Variants in NRF1 observed in about 807,000 individuals in gnomAD.
NRF1 encodes nuclear respiratory factor 1, also known as alpha palindromic-binding protein.
Under a neutral mutation model 58.5 loss-of-function variants are expected in NRF1, and 5 were observed. The observed-to-expected ratio is 0.09, with a 90% CI of 0.04 to 0.18. The LOEUF is 0.18. Ranked by LOEUF, NRF1 falls within the 10% of genes least tolerant of loss-of-function variation. The probability of loss-of-function intolerance (pLI) is 1.00; values close to 1 mark genes in which losing one functional copy is unlikely to be tolerated. For synonymous variants in NRF1, 224 were observed against 246.7 expected (o/e 0.91, Z 0.86); for missense variants, 288 against 657.7 (o/e 0.44, Z 6.15).
chr7:129,615,615 A>T (rs1584573275), intron 1 of NRF1, among the ~76,000 whole-genome samples: 1 of 152,248 alleles, frequency 6.6e-6, no homozygotes, highest in Non-Finnish European at 1.5e-5. Context: ...ATAATTTTCC[A>T]TGAATGCTTA....
At chr7:129,647,685 C>T (rs1801441090) in intron 1 of NRF1, among the ~76,000 whole-genome samples, 1 of 152,210 alleles carries the variant, frequency 6.6e-6, no homozygotes, top group African/African-American at 2.4e-5. Context: ...TGAGCCACCA[C>T]GCCCAGCCCA....
chr7:129,703,901 A>G (rs1177253154), intron 5 of NRF1, among the ~76,000 whole-genome samples: 2 of 152,170 alleles, frequency 1.3e-5, no homozygotes, highest in East Asian at 1.9e-4. Flanking sequence ...CTCTAGGATC[A>G]TCTTCCTAGG....
chr7:129,673,665 G>T lies in NRF1; in HGVS notation c.338+2122G>T, dbSNP rs540581188. Among the ~76,000 whole-genome samples, 12 of 144,580 alleles carry T rather than the reference G, an allele frequency of 8.3e-5. No homozygotes were observed. The East Asian group carries it at 8.4e-4, about 10-fold the overall frequency. 94.9% of individuals were successfully genotyped at this position (144,580 alleles called of 152,430 possible). A position where few individuals can be genotyped will look rare whatever the true frequency, so the allele number is the denominator to read the frequency against. On this transcript the variant is annotated intron_variant, in intron 3 of 10. Coordinates refer to ENST00000393232, the MANE Select transcript of NRF1 (RefSeq NM_005011.5). ...CCGGGAGGCGGAGCTTGCAGTGAGC[G>T]GAGATCGCGCCACAGCACTCCCGCC...
intron 2 of NRF1, among the ~76,000 whole-genome samples, chr7:129,670,838 A>G (rs1802032032): frequency 6.6e-6 from 1 of 152,216 alleles, no homozygotes; most frequent in South Asian, 2.1e-4. Context: ...GCCTTCATCA[A>G]CTTGACCTTG....
At chr7:129,714,982 A>G (rs184721633) in intron 8 of NRF1, among the ~76,000 whole-genome samples, 1 of 152,272 alleles carries the variant, frequency 6.6e-6, no homozygotes, top group African/African-American at 2.4e-5. Context: ...CCAAAGACAG[A>G]TACACCTGAG....
At chr7:129,721,178 A>G (rs1456160325) in intron 9 of NRF1, among the ~76,000 whole-genome samples, 2 of 152,126 alleles carry the variant, frequency 1.3e-5, no homozygotes, top group Non-Finnish European at 2.9e-5. Context: ...CCTCTTAAAC[A>G]TGTCCTTCTA....
At chr7:129,619,391 T>C in intron 1 of NRF1, among the ~76,000 whole-genome samples, 1 of 75,464 alleles carries the variant, frequency 1.3e-5, no homozygotes, top group Non-Finnish European at 2.4e-5. Context: ...GGACTTGGCA[T>C]ACGTGTATAT....
intron 10 of NRF1, among the ~76,000 whole-genome samples, chr7:129,749,826 T>G (rs962889323): frequency 2.7e-5 from 4 of 150,268 alleles, no homozygotes; most frequent in South Asian, 2.1e-4. Flanking sequence ...GTGTTGAGGT[T>G]TTTTTTTTTA....
chr7:129,674,705 G>T (rs1802136439), intron 3 of NRF1, among the ~76,000 whole-genome samples: 1 of 152,168 alleles, frequency 6.6e-6, no homozygotes, highest in Non-Finnish European at 1.5e-5. Flanking sequence ...AAAGTGCTGG[G>T]ATTACAGGTG....
At chr7:129,638,771 C>T (rs182230319) in intron 1 of NRF1, among the ~76,000 whole-genome samples, 3 of 152,124 alleles carry the variant, frequency 2.0e-5, no homozygotes, top group Non-Finnish European at 4.4e-5. Context: ...TAGCATTTCT[C>T]CCCTCCTTCT....
chr7:129,698,974 A>G (rs1802758460), intron 5 of NRF1, among the ~76,000 whole-genome samples: 1 of 152,176 alleles, frequency 6.6e-6, no homozygotes. Context: ...GCAAAGATAT[A>G]ATTATAGAAG....
intron 10 of NRF1, among the ~76,000 whole-genome samples, chr7:129,730,201 T>C (rs1025456748): frequency 2.6e-5 from 4 of 152,246 alleles, no homozygotes; most frequent in Admixed American, 2.6e-4. Flanking sequence ...TTTTTTCTTT[T>C]TTTAATAGAA....
intron 1 of NRF1, chr7:129,633,598 G>A (rs1016319424): frequency 6.6e-6 from 1 of 152,164 alleles, no homozygotes; most frequent in African/African-American, 2.4e-5. Flanking sequence ...ACTTTTTAAA[G>A]TGAAGAAGCA....
chr7:129,641,553 A>G (rs911917414), intron 1 of NRF1, among the ~76,000 whole-genome samples: 1 of 152,184 alleles, frequency 6.6e-6, no homozygotes, highest in Non-Finnish European at 1.5e-5. Flanking sequence ...TTTTTATTGC[A>G]TTCGCTTTCT....
At chr7:129,647,249 G>A (rs894458063) in intron 1 of NRF1, among the ~76,000 whole-genome samples, 6 of 151,988 alleles carry the variant, frequency 3.9e-5, no homozygotes, top group African/African-American at 7.2e-5. Context: ...ATGTTGGCCC[G>A]GCTGACTCCA....
At chr7:129,720,022 G>T (rs1483659968) in intron 9 of NRF1, among the ~76,000 whole-genome samples, 1 of 152,192 alleles carries the variant, frequency 6.6e-6, no homozygotes, top group Non-Finnish European at 1.5e-5. Flanking sequence ...AGGCAAGCGG[G>T]TAATGGTATC....
At chr7:129,617,733 G>A (rs10275661) in intron 1 of NRF1, among the ~76,000 whole-genome samples, 23,253 of 152,050 alleles carry the variant, frequency 0.15, 1,918 homozygotes, top group African/African-American at 0.23. Flanking sequence ...ATTCCTTCTA[G>A]GGAGAGGAGA....
At chr7:129,661,599 T>G (rs1428277802) in intron 2 of NRF1, among the ~76,000 whole-genome samples, 1 of 150,944 alleles carries the variant, frequency 6.6e-6, no homozygotes, top group Non-Finnish European at 1.5e-5. Context: ...AAGAGTCACC[T>G]TTGCTCCAGT....
chr7:129,624,302 T>A (rs556009225), intron 1 of NRF1, among the ~76,000 whole-genome samples: 2 of 152,220 alleles, frequency 1.3e-5, no homozygotes, highest in Non-Finnish European at 2.9e-5. Flanking sequence ...TTGCTTGATA[T>A]ATGTCTGTTC....
Sources: gnomAD v4.1 joint callset for allele counts (sites outside exome capture counted in the v4.1 genomes callset) on GRCh38, gnomAD v4.1.1 for gene constraint, MANE v1.5 for transcripts, NCBI Gene and HGNC (gene_info 2026-07-23, HGNC 2026-07-21) for gene names.